Variants in COL25A1 observed in about 807,000 individuals in gnomAD.
COL25A1 encodes the protein collagen alpha-1(XXV) chain.
COL25A1 carries 103 observed loss-of-function variants against 128.4 expected under a neutral mutation model. That is an observed-to-expected ratio of 0.80 (90% CI 0.68 to 0.94). The LOEUF (loss-of-function observed/expected upper bound fraction) is 0.94, where lower values mean the gene tolerates loss of function less well. Ranked by LOEUF, COL25A1 falls within the 40% of genes least tolerant of loss-of-function variation. The pLI is 0.00. For synonymous variants in COL25A1, 279 were observed against 277.2 expected (o/e 1.01, Z -0.06); for missense variants, 745 against 840.0 (o/e 0.89, Z 1.40).
At chr4:109,056,836 G>GT (rs1374710239) in intron 3 of COL25A1, among the ~76,000 whole-genome samples, 2 of 152,172 alleles carry the variant, frequency 1.3e-5, no homozygotes, top group African/African-American at 4.8e-5. Flanking sequence ...CATTAGGATA[G>GT]TTTTTTGTCT....
At chr4:109,210,683 T>C (rs1777423451) in intron 3 of COL25A1, among the ~76,000 whole-genome samples, 1 of 152,112 alleles carries the variant, frequency 6.6e-6, no homozygotes, top group Non-Finnish European at 1.5e-5. Context: ...AAATACAGTC[T>C]CAATCTGACC....
At chr4:108,929,295 T>C (rs1448696809) in intron 11 of COL25A1, among the ~76,000 whole-genome samples, 2 of 151,898 alleles carry the variant, frequency 1.3e-5, no homozygotes, top group African/African-American at 4.8e-5. Flanking sequence ...GCTAATTTTT[T>C]CTATTTTTAG....
intron 3 of COL25A1, among the ~76,000 whole-genome samples, chr4:109,182,531 T>A (rs1231356795): frequency 6.6e-6 from 1 of 152,140 alleles, no homozygotes; most frequent in Non-Finnish European, 1.5e-5. Flanking sequence ...GTATAACATT[T>A]AGTAAACATG....
chr4:109,109,663 C>A (rs969561812), intron 3 of COL25A1, among the ~76,000 whole-genome samples: 2 of 152,204 alleles, frequency 1.3e-5, no homozygotes, highest in Non-Finnish European at 2.9e-5. Flanking sequence ...TGCTCTGTGC[C>A]TGGGGATGTA....
intron 3 of COL25A1, among the ~76,000 whole-genome samples, chr4:109,101,759 G>A (rs1322781109): frequency 1.3e-5 from 2 of 152,204 alleles, no homozygotes; most frequent in African/African-American, 2.4e-5. Flanking sequence ...AAGCACACTC[G>A]TCAGGCTGAC....
chr4:109,135,250 G>C (rs1466636403), intron 3 of COL25A1, among the ~76,000 whole-genome samples: 4 of 152,036 alleles, frequency 2.6e-5, no homozygotes, highest in Non-Finnish European at 4.4e-5. Flanking sequence ...ACTGAGGAGT[G>C]AGTAGGAATT....
intron 3 of COL25A1, among the ~76,000 whole-genome samples, chr4:109,216,632 A>G (rs1043089556): frequency 6.6e-6 from 1 of 152,156 alleles, no homozygotes; most frequent in African/African-American, 2.4e-5. Flanking sequence ...AAGCCAAGAA[A>G]TGCCCGGTAC....
chr4:108,975,267 C>A (rs1425149882), intron 6 of COL25A1, among the ~76,000 whole-genome samples: 1 of 152,206 alleles, frequency 6.6e-6, no homozygotes, highest in African/African-American at 2.4e-5. Context: ...CCAGCCTGGC[C>A]AACATGGTTG....
chr4:109,272,744 G>A (rs182903246), intron 3 of COL25A1, among the ~76,000 whole-genome samples: 1 of 152,262 alleles, frequency 6.6e-6, no homozygotes. Context: ...TGGAAGATTT[G>A]CAGGGAGCGT....
At chr4:109,101,211 C>G (rs1198396243) in intron 3 of COL25A1, among the ~76,000 whole-genome samples, 1 of 152,144 alleles carries the variant, frequency 6.6e-6, no homozygotes, top group South Asian at 2.1e-4. Context: ...AAAAGAACCA[C>G]AAGACTCAAC....
At chr4:108,959,933 C>T (rs921611353) in intron 8 of COL25A1, among the ~76,000 whole-genome samples, 11 of 152,096 alleles carry the variant, frequency 7.2e-5, no homozygotes, top group African/African-American at 2.4e-4. Context: ...CCTGAAACTC[C>T]TCAAAATTCA....
intron 26 of COL25A1, among the ~76,000 whole-genome samples, chr4:108,851,316 T>C (rs1194183206): frequency 1.3e-5 from 2 of 152,234 alleles, no homozygotes; most frequent in South Asian, 2.1e-4. Context: ...GTTCTAAATA[T>C]ATAGGCAAGG....
At chr4:109,159,679 G>A (rs190420023) in intron 3 of COL25A1, among the ~76,000 whole-genome samples, 528 of 152,272 alleles carry the variant, frequency 3.5e-3, no homozygotes, top group Non-Finnish European at 5.8e-3. Context: ...TTAAGGAAAA[G>A]GCTCCAATTT....
At chr4:109,289,695 G>C (rs1724270666) in intron 3 of COL25A1, among the ~76,000 whole-genome samples, 2 of 152,096 alleles carry the variant, frequency 1.3e-5, no homozygotes, top group South Asian at 4.1e-4. Flanking sequence ...GCTAGAGAAA[G>C]GGAGGGAAGA....
At chr4:109,276,958 C>T (rs1722910728) in intron 3 of COL25A1, among the ~76,000 whole-genome samples, 2 of 152,192 alleles carry the variant, frequency 1.3e-5, no homozygotes, top group African/African-American at 2.4e-5. Flanking sequence ...TTGTCCTTTG[C>T]AAGCTAAATG....
At chr4:108,844,263 A>C (rs1734812480) in intron 30 of COL25A1, among the ~76,000 whole-genome samples, 1 of 152,218 alleles carries the variant, frequency 6.6e-6, no homozygotes, top group Non-Finnish European at 1.5e-5. Flanking sequence ...GTAAAGTTGT[A>C]GTAGAGCTTG....
At chr4:108,901,227 C>T in intron 13 of COL25A1, 55 bp from the exon 14 acceptor site, 1 of 1,201,350 alleles carries the variant, frequency 8.3e-7, no homozygotes, top group Non-Finnish European at 1.2e-6. Flanking sequence ...CAATACATTA[C>T]ATGGATCATT....
At chr4:108,847,280 T>C (rs979535901) in intron 27 of COL25A1, among the ~76,000 whole-genome samples, 1 of 152,164 alleles carries the variant, frequency 6.6e-6, no homozygotes, top group Non-Finnish European at 1.5e-5. Context: ...CACTTCAATA[T>C]ACTAATGGCT....
chr4:108,986,891 A>G (rs1753710568), intron 6 of COL25A1, among the ~76,000 whole-genome samples: 1 of 152,204 alleles, frequency 6.6e-6, no homozygotes, highest in South Asian at 2.1e-4. Flanking sequence ...ATATAACAAC[A>G]TAATATCTAA....
Sources: allele counts gnomAD v4.1 joint callset (sites outside exome capture counted in the v4.1 genomes callset), GRCh38; gene constraint gnomAD v4.1.1; transcripts MANE v1.5; gene names NCBI Gene and HGNC (gene_info 2026-07-23, HGNC 2026-07-21).